ITGB3: variants seen among roughly 807,000 people sequenced by gnomAD.
The protein encoded by ITGB3 is integrin subunit beta 3, also known as integrin beta-3.
In ITGB3, 48 loss-of-function variants were observed where a neutral mutation model predicts 85.8. The observed-to-expected ratio is 0.56, with a 90% CI of 0.44 to 0.71. The LOEUF (loss-of-function observed/expected upper bound fraction) is 0.71, where lower values mean the gene tolerates loss of function less well. Ranked by LOEUF, ITGB3 falls within the 30% of genes least tolerant of loss-of-function variation. ITGB3 has a pLI of 0.00. For synonymous variants in ITGB3, 363 were observed against 395.6 expected, an observed-to-expected ratio of 0.92 and a Z score of 0.98; for missense variants, 861 against 1,019.1, an observed-to-expected ratio of 0.84 and a Z score of 2.11.
chr17:47,291,036 A>G lies in ITGB3; in HGVS notation c.1208A>G (p.Asn403Ser), dbSNP rs756417514. 17 of 1,613,918 alleles carry G rather than the reference A, an allele frequency of 1.1e-5. No individual in the cohort carries two copies. The highest frequency in any genetic ancestry group is 4.4e-5 in the South Asian group (4 of 91,082). ...TCCTTCAATGCCACCTGCCTCAACA[A>G]TGAGGTCATCCCTGGCCTCAAGTCT... is the stretch of plus-strand genomic sequence containing the variant. ...SLSFNATCLN[N>S]EVIPGLKSCM... Residue 403 changes from asparagine (N) to serine (S), a missense_variant, in exon 9 of 15, where the codon AAT becomes AGT. Coordinates refer to ENST00000559488, the MANE Select transcript of ITGB3 (RefSeq NM_000212.3).
chr17:47,287,181 G>A lies in ITGB3; in HGVS notation c.889G>A (p.Gly297Arg), dbSNP rs756088530. 5.0e-6 allele frequency: 8 copies of A among 1,613,810 alleles called. No individual in the cohort carries two copies. Among genetic ancestry groups the A allele is most frequent in the African/African-American group, 1.3e-5 (1 of 74,896 alleles). Residue 297 changes from glycine to arginine, a missense_variant, in exon 6 of 15, where the codon GGG becomes AGG. Physicochemically the swap from Gly to Arg is moderately radical, Grantham distance 125 (BLOSUM62 -2). Transcript: ENST00000559488. ...RLAGIVQPND[G>R]QCHVGSDNHY... is the part of the protein sequence containing the mutation. ...GGCAGGCATTGTCCAGCCTAATGACGGGCAGTGTCATGTTGGTAGTGACAA... is the reference window on the plus strand; with the variant it reads ...GGCAGGCATTGTCCAGCCTAATGACAGGCAGTGTCATGTTGGTAGTGACAA...
chr17:47,264,763 G>T (rs10514919), intron 1 of ITGB3, among the ~76,000 whole-genome samples: 40,217 of 151,990 alleles, frequency 0.26, 5,575 homozygotes, highest in African/African-American at 0.32. Flanking sequence ...GCCTTGGATC[G>T]TCCCAGGATT....
intron 1 of ITGB3, 103 bp downstream of exon 1, chr17:47,254,043 C>A: frequency 2.7e-6 from 2 of 733,280 alleles, no homozygotes; most frequent in Non-Finnish European, 3.9e-6. Context: ...TGGTCCCGCG[C>A]GTCTGCGCTG....
At chr17:47,291,747 T>C (rs967722286) in intron 9 of ITGB3, among the ~76,000 whole-genome samples, 6 of 152,226 alleles carry the variant, frequency 3.9e-5, no homozygotes, top group African/African-American at 1.4e-4. Flanking sequence ...TTGACCACCA[T>C]GTGGGATTGT....
intron 2 of ITGB3, 149 bp from the exon 3 acceptor site, chr17:47,283,205 G>A (rs181080726): frequency 1.2e-6 from 1 of 826,454 alleles, no homozygotes; most frequent in East Asian, 2.7e-5. Context: ...CGGTCCTAAG[G>A]GATTATCCCA....
At chr17:47,268,779 T>C (rs573452842) in intron 1 of ITGB3, among the ~76,000 whole-genome samples, 6 of 152,330 alleles carry the variant, frequency 3.9e-5, no homozygotes, top group South Asian at 2.1e-4. Flanking sequence ...TGGAGGATGG[T>C]GGCCCTCTGC....
At chr17:47,298,883 T>C (rs1008230522) in intron 10 of ITGB3, among the ~76,000 whole-genome samples, 1 of 152,200 alleles carries the variant, frequency 6.6e-6, no homozygotes, top group Non-Finnish European at 1.5e-5. Flanking sequence ...GAGTGCCCTG[T>C]GTAGGTTCAG....
intron 6 of ITGB3, 104 bp downstream of exon 6, chr17:47,287,335 G>A: frequency 1.5e-6 from 2 of 1,372,010 alleles, no homozygotes; most frequent in South Asian, 2.4e-5. Flanking sequence ...CCTCCTTCTG[G>A]GCAGGGTGCA....
In ITGB3 at chr17:47,286,779, C is replaced by CTAGA. The variant is rs557431332; in HGVS notation, c.778-289_778-286dup. 1.7e-4 allele frequency among the ~76,000 whole-genome samples: 26 copies of CTAGA among 152,322 alleles called. No homozygotes were observed. The East Asian group carries it at 4.2e-3, about 25-fold the overall frequency. ...CAGCTCTGTGGATGCACGTCAGTTT[C>CTAGA]TAGATGAGCAATGTGACTGTCATTA... On this transcript the variant is annotated intron_variant, in intron 5 of 14. Transcript: ENST00000559488.
intron 1 of ITGB3, among the ~76,000 whole-genome samples, chr17:47,260,741 TG>T (rs1448229861): frequency 6.6e-6 from 1 of 151,898 alleles, no homozygotes; most frequent in Non-Finnish European, 1.5e-5. Context: ...GAACAGACCA[TG>T]CTGCCCTGGG....
At chr17:47,275,480 G>A (rs2065060303) in intron 2 of ITGB3, among the ~76,000 whole-genome samples, 1 of 152,198 alleles carries the variant, frequency 6.6e-6, no homozygotes, top group Admixed American at 6.5e-5. Flanking sequence ...CCAGCAGGTG[G>A]TTACCTGAGT....
At chr17:47,290,151 G>C (rs759780699) in intron 7 of ITGB3, 34 bp from the exon 8 acceptor site, 11 of 1,537,674 alleles carry the variant, frequency 7.2e-6, no homozygotes, top group African/African-American at 4.1e-5. Context: ...AGCTTCCTTT[G>C]GTAAGCTCTG....
At chr17:47,284,061 G>C (rs2065093936) in intron 3 of ITGB3, among the ~76,000 whole-genome samples, 1 of 152,150 alleles carries the variant, frequency 6.6e-6, no homozygotes, top group African/African-American at 2.4e-5. Flanking sequence ...AGTCAAGAAG[G>C]ATTTACCTAC....
intron 2 of ITGB3, among the ~76,000 whole-genome samples, chr17:47,278,469 AC>A (rs1325062408): frequency 6.6e-6 from 1 of 152,166 alleles, no homozygotes; most frequent in African/African-American, 2.4e-5. Context: ...AACCCCAGCT[AC>A]TAGGGAGGCT....
intron 2 of ITGB3, among the ~76,000 whole-genome samples, chr17:47,280,203 T>TA (rs1399203117): frequency 1.3e-5 from 2 of 152,214 alleles, no homozygotes; most frequent in African/African-American, 4.8e-5. Flanking sequence ...AAACTCTACT[T>TA]ACTTCTTGCC....
At chr17:47,306,714 T>C (rs577676947) in intron 13 of ITGB3, among the ~76,000 whole-genome samples, 44 of 152,328 alleles carry the variant, frequency 2.9e-4, no homozygotes, top group African/African-American at 1.1e-3. Flanking sequence ...GGAGTTTTGC[T>C]CTGTTACCCA....
At chr17:47,298,517 C>T (rs2065154252) in intron 10 of ITGB3, among the ~76,000 whole-genome samples, 1 of 152,176 alleles carries the variant, frequency 6.6e-6, no homozygotes, top group South Asian at 2.1e-4. Flanking sequence ...CACTTTCCCT[C>T]TCTGCATTTG....
chr17:47,282,470 C>A (rs754750315), intron 2 of ITGB3, among the ~76,000 whole-genome samples: 1 of 152,142 alleles, frequency 6.6e-6, no homozygotes, highest in South Asian at 2.1e-4. Flanking sequence ...GAAGGAGGGA[C>A]TGTTATTATG....
chr17:47,262,158 C>T (rs964092790), intron 1 of ITGB3, among the ~76,000 whole-genome samples: 4 of 152,300 alleles, frequency 2.6e-5, no homozygotes, highest in Admixed American at 1.3e-4. Flanking sequence ...TCCTCCCAAA[C>T]GGTTGAACCA....
Sources: gnomAD v4.1 joint callset for allele counts (sites outside exome capture counted in the v4.1 genomes callset) on GRCh38, gnomAD v4.1.1 for gene constraint, MANE v1.5 for transcripts, NCBI Gene and HGNC (gene_info 2026-07-23, HGNC 2026-07-21) for gene names.